KCNQ3: variants seen among roughly 807,000 people sequenced by gnomAD.
The protein encoded by KCNQ3 is potassium voltage-gated channel subfamily KQT member 3.
A neutral mutation model predicts 92.5 loss-of-function variants in KCNQ3; 30 were observed. The observed-to-expected ratio is 0.32, with a 90% CI of 0.24 to 0.44. The LOEUF is 0.44. Among genes scored for constraint, KCNQ3 ranks in the 20% least tolerant of loss-of-function variants. The pLI, the probability that KCNQ3 is intolerant of heterozygous loss-of-function variation, is 1.00. For synonymous variants in KCNQ3, 450 were observed against 468.8 expected (o/e 0.96, Z 0.52); for missense variants, 913 against 1,140.3 (o/e 0.80, Z 2.87).
intron 1 of KCNQ3, among the ~76,000 whole-genome samples, chr8:132,350,920 C>T (rs915531238): frequency 1.3e-5 from 2 of 152,064 alleles, no homozygotes; most frequent in Non-Finnish European, 2.9e-5. Flanking sequence ...CAAATCTATT[C>T]GTGTGGCTAA....
intron 1 of KCNQ3, among the ~76,000 whole-genome samples, chr8:132,251,763 G>A (rs1815417440): frequency 6.6e-6 from 1 of 152,192 alleles, no homozygotes; most frequent in African/African-American, 2.4e-5. Context: ...AGCTCAGTCA[G>A]AGAATGCTTA....
intron 1 of KCNQ3, among the ~76,000 whole-genome samples, chr8:132,254,109 C>T (rs1815499114): frequency 2.0e-5 from 3 of 152,226 alleles, no homozygotes; most frequent in Admixed American, 6.5e-5. Flanking sequence ...AAAATTCAGA[C>T]TCTCAGGACT....
At position 132,128,066 on chromosome 8, in the gene KCNQ3, A is replaced by G. The variant is rs1259581792; in HGVS notation, c.*1196T>C. 1 of 152,196 alleles carries G rather than the reference A, an allele frequency of 6.6e-6. No homozygotes were observed. Among genetic ancestry groups the G allele is most frequent in the Non-Finnish European group, 1.5e-5 (1 of 68,040 alleles). 9.4% of individuals were successfully genotyped at this position (152,196 alleles called of 1,614,324 possible). A position where few individuals can be genotyped will look rare whatever the true frequency, so the allele number is the denominator to read the frequency against. On this transcript the variant is annotated 3_prime_UTR_variant, in exon 15 of 15. Coordinates refer to ENST00000388996, the MANE Select transcript of KCNQ3 (RefSeq NM_004519.4). ...CAAGCATGTTTTGCAATAAAAGTGG[A>G]AATCCCCCTCCTGCTGGATAAACTG...
intron 7 of KCNQ3, among the ~76,000 whole-genome samples, chr8:132,170,629 A>G (rs529848623): frequency 6.6e-6 from 1 of 152,130 alleles, no homozygotes; most frequent in Admixed American, 6.5e-5. Flanking sequence ...TCTTGGAGCT[A>G]TAATTGGTGT....
At chr8:132,215,688 G>T (rs1264685822) in intron 1 of KCNQ3, among the ~76,000 whole-genome samples, 1 of 152,186 alleles carries the variant, frequency 6.6e-6, no homozygotes, top group Non-Finnish European at 1.5e-5. Flanking sequence ...CTTTCTCTGT[G>T]GTCACCAGCA....
intron 1 of KCNQ3, among the ~76,000 whole-genome samples, chr8:132,252,688 TTAGC>T (rs1815453908): frequency 1.3e-5 from 2 of 152,168 alleles, no homozygotes; most frequent in African/African-American, 4.8e-5. Context: ...TTACAATCCT[TTAGC>T]TACACACAGA....
intron 7 of KCNQ3, among the ~76,000 whole-genome samples, chr8:132,172,084 G>T (rs1249915882): frequency 6.6e-6 from 1 of 152,124 alleles, no homozygotes; most frequent in Non-Finnish European, 1.5e-5. Context: ...CTACTCAGGA[G>T]GCTGAGGTGG....
rs889812870 is a variant in KCNQ3, at chr8:132,246,671, G to A, written c.387-60490C>T. Among the ~76,000 whole-genome samples, 14 of 152,264 alleles carry A rather than the reference G, an allele frequency of 9.2e-5. No individual in the cohort carries two copies. In the East Asian group the frequency reaches 1.5e-3, roughly 17 times the overall value. On this transcript the variant is annotated intron_variant, in intron 1 of 14. Transcript: ENST00000388996. ...CACCGTTATATCAGATTATTTAATG[G>A]AGGATTCCACTTCAGGGTTGAGACA...
At chr8:132,264,236 A>G (rs1563831492) in intron 1 of KCNQ3, among the ~76,000 whole-genome samples, 1 of 152,138 alleles carries the variant, frequency 6.6e-6, no homozygotes, top group Admixed American at 6.5e-5. Flanking sequence ...TGCATGACAC[A>G]CTTAGTTCCT....
At chr8:132,466,078 G>A (rs928785965) in intron 1 of KCNQ3, among the ~76,000 whole-genome samples, 6 of 152,042 alleles carry the variant, frequency 3.9e-5, no homozygotes, top group Admixed American at 2.6e-4. Flanking sequence ...CAGGTTTTGC[G>A]GTGCTTCTGA....
intron 1 of KCNQ3, among the ~76,000 whole-genome samples, chr8:132,477,958 C>T (rs768306215): frequency 1.3e-5 from 2 of 152,118 alleles, no homozygotes; most frequent in Admixed American, 6.6e-5. Flanking sequence ...TGTGTGATCG[C>T]GGACAAGTGA....
chr8:132,450,526 C>T (rs968106126), intron 1 of KCNQ3, among the ~76,000 whole-genome samples: 1 of 152,178 alleles, frequency 6.6e-6, no homozygotes, highest in Admixed American at 6.5e-5. Flanking sequence ...ACACCTTCCC[C>T]CTCCCCCAGG....
intron 1 of KCNQ3, among the ~76,000 whole-genome samples, chr8:132,272,880 C>T (rs1226073339): frequency 6.6e-6 from 1 of 152,158 alleles, no homozygotes; most frequent in Admixed American, 6.5e-5. Context: ...CATTTCAAAA[C>T]CAATCATGCC....
At chr8:132,218,551 T>C (rs1030059174) in intron 1 of KCNQ3, among the ~76,000 whole-genome samples, 1 of 152,142 alleles carries the variant, frequency 6.6e-6, no homozygotes, top group Non-Finnish European at 1.5e-5. Context: ...TTATATCACA[T>C]CTCATTTAAC....
At chr8:132,367,230 C>T (rs1819347294) in intron 1 of KCNQ3, among the ~76,000 whole-genome samples, 1 of 152,080 alleles carries the variant, frequency 6.6e-6, no homozygotes, top group South Asian at 2.1e-4. Context: ...GCATATTGAT[C>T]CACAATGATT....
In KCNQ3 at chr8:132,122,327, C is replaced by T. The variant is rs1300721337; in HGVS notation, c.*6935G>A. On this transcript the variant is annotated 3_prime_UTR_variant, in exon 15 of 15. Coordinates refer to ENST00000388996, the MANE Select transcript of KCNQ3 (RefSeq NM_004519.4). ...GGAGTGCTTAGGATAAGTTTCTCTCCCCTTCCCTGACCTCACTTTTGTGGG... is the reference window on the plus strand; with the variant it reads ...GGAGTGCTTAGGATAAGTTTCTCTCTCCTTCCCTGACCTCACTTTTGTGGG... 6 of 152,288 alleles carry T rather than the reference C, an allele frequency of 3.9e-5. No individual in the cohort carries two copies. The highest frequency in any genetic ancestry group is 5.9e-5 in the Non-Finnish European group (4 of 68,016). 9.4% of individuals were successfully genotyped at this position (152,288 alleles called of 1,614,324 possible).
At chr8:132,415,557 G>A (rs1368036885) in intron 1 of KCNQ3, among the ~76,000 whole-genome samples, 2 of 152,222 alleles carry the variant, frequency 1.3e-5, no homozygotes, top group Non-Finnish European at 2.9e-5. Flanking sequence ...ACAGTGCTCA[G>A]GGACCCAGGC....
At chr8:132,344,192 C>A (rs1246437106) in intron 1 of KCNQ3, among the ~76,000 whole-genome samples, 6 of 152,180 alleles carry the variant, frequency 3.9e-5, no homozygotes. Flanking sequence ...AGGAAATCTC[C>A]ACAACTTACA....
At chr8:132,313,176 T>C (rs1324757508) in intron 1 of KCNQ3, among the ~76,000 whole-genome samples, 1 of 152,138 alleles carries the variant, frequency 6.6e-6, no homozygotes, top group Non-Finnish European at 1.5e-5. Flanking sequence ...ATAAAGAATA[T>C]TGTGGTATGA....
Sources: gnomAD v4.1 joint callset for allele counts (sites outside exome capture counted in the v4.1 genomes callset) on GRCh38, gnomAD v4.1.1 for gene constraint, MANE v1.5 for transcripts, NCBI Gene and HGNC (gene_info 2026-07-23, HGNC 2026-07-21) for gene names.